DCAF8L2: variants seen among roughly 807,000 people sequenced by gnomAD.
The protein encoded by DCAF8L2 is DDB1- and CUL4-associated factor 8-like protein 2.
For missense variants in DCAF8L2, 430 were observed against 490.7 expected, an observed-to-expected ratio of 0.88 and a Z score of 1.17; for synonymous variants, 200 against 190.9, an observed-to-expected ratio of 1.05 and a Z score of -0.39.
intron 4 of DCAF8L2, among the ~76,000 whole-genome samples, chrX:27,722,998 A>C (rs1931951364): frequency 9.0e-6 from 1 of 110,964 alleles, no homozygotes; most frequent in Non-Finnish European, 1.9e-5. Context: ...ATTAAAAATC[A>C]TTAAAAGGAT....
At chrX:27,559,531 G>C in the DCAF8L2 span, among the ~76,000 whole-genome samples, 3 of 111,896 alleles carry the variant, frequency 2.7e-5, no homozygotes, top group East Asian at 8.4e-4. Context: ...TGTTGCTTCT[G>C]CTGCCATGTT....
At chrX:27,673,575 AC>A (rs1392038191) in intron 2 of DCAF8L2, among the ~76,000 whole-genome samples, 1 of 107,857 alleles carries the variant, frequency 9.3e-6, no homozygotes, top group East Asian at 2.9e-4. Context: ...ATAATTTTTA[AC>A]CTCTACTGAA....
the DCAF8L2 span, among the ~76,000 whole-genome samples, chrX:27,572,020 A>G: frequency 2.7e-5 from 3 of 112,355 alleles, no homozygotes; most frequent in Admixed American, 2.8e-4. Context: ...GACCTATAAT[A>G]TTGTAAGAGA....
At chrX:27,475,471 G>A in the DCAF8L2 span, among the ~76,000 whole-genome samples, 2 of 111,579 alleles carry the variant, frequency 1.8e-5, no homozygotes, top group African/African-American at 6.5e-5. Flanking sequence ...CCCCCATGAA[G>A]GTTAAAGAGC....
chrX:27,668,283 T>C (rs1435190421), intron 2 of DCAF8L2, among the ~76,000 whole-genome samples: 1 of 112,156 alleles, frequency 8.9e-6, no homozygotes, highest in Non-Finnish European at 1.9e-5. Flanking sequence ...GTACTCAGTG[T>C]GGTTTTTCAA....
At chrX:27,641,220 T>C (rs777622564) in intron 2 of DCAF8L2, among the ~76,000 whole-genome samples, 2 of 111,157 alleles carry the variant, frequency 1.8e-5, no homozygotes, top group African/African-American at 6.5e-5. Context: ...TCTGTTAACA[T>C]TTCCTTCTAC....
chrX:27,711,179 G>A (rs1416016100), intron 3 of DCAF8L2, among the ~76,000 whole-genome samples: 1 of 110,544 alleles, frequency 9.0e-6, no homozygotes, highest in African/African-American at 3.3e-5. Flanking sequence ...TCCTTAGTCA[G>A]GTTGTATTAT....
intron 4 of DCAF8L2, among the ~76,000 whole-genome samples, chrX:27,717,511 G>C (rs1239492212): frequency 8.9e-6 from 1 of 112,040 alleles, no homozygotes; most frequent in African/African-American, 3.2e-5. Context: ...TCATATGTTT[G>C]TTGGCTGCAT....
the DCAF8L2 span, among the ~76,000 whole-genome samples, chrX:27,580,344 A>G: frequency 9.0e-6 from 1 of 111,350 alleles, no homozygotes; most frequent in Non-Finnish European, 1.9e-5. Context: ...TTTTTGCCTC[A>G]TTTGGATTGA....
rs991118849 is a variant in DCAF8L2 at position 27,744,186 on chromosome X, G to A, written c.-58-2652G>A. 5.4e-5 allele frequency among the ~76,000 whole-genome samples: 6 copies of A among 111,400 alleles called. No homozygotes were observed. The East Asian group carries it at 8.5e-4, about 16-fold the overall frequency. On this transcript the variant is annotated intron_variant, in intron 4 of 4. Transcript: ENST00000451261. ...AATTACACCACTTTAGACTGTACAC[G>A]CAGCAATTCACAACTTACTCCTGTG...
At chrX:27,598,999 G>A (rs968058018) in intron 1 of DCAF8L2, among the ~76,000 whole-genome samples, 19 of 104,790 alleles carry the variant, frequency 1.8e-4, no homozygotes, top group African/African-American at 6.7e-4. Context: ...ATATGATCCA[G>A]CAATTTCACT....
At chrX:27,614,043 C>T (rs771307847) in intron 1 of DCAF8L2, among the ~76,000 whole-genome samples, 27 of 111,337 alleles carry the variant, frequency 2.4e-4, no homozygotes, top group Non-Finnish European at 4.5e-4. Context: ...GTTCCTCTTT[C>T]TACCTCTGGT....
chrX:27,486,522 A>G, the DCAF8L2 span, among the ~76,000 whole-genome samples: 363 of 112,011 alleles, frequency 3.2e-3, 2 homozygotes, highest in African/African-American at 0.011. Context: ...TTTATATACC[A>G]TAAATTATCC....
the DCAF8L2 span, among the ~76,000 whole-genome samples, chrX:27,581,589 A>AT: frequency 0.072 from 6,807 of 95,060 alleles, 604 homozygotes; most frequent in African/African-American, 0.23. Flanking sequence ...ATTTAATACA[A>AT]TTTTTTTTTT....
At chrX:27,512,797 A>AAAAAAAAC in the DCAF8L2 span, among the ~76,000 whole-genome samples, 1 of 97,213 alleles carries the variant, frequency 1.0e-5, no homozygotes. Flanking sequence ...AAAAAAAAAA[A>AAAAAAAAC]AAAAAAAAAA....
chrX:27,497,496 T>TATTC, the DCAF8L2 span, among the ~76,000 whole-genome samples: 31 of 61,467 alleles, frequency 5.0e-4, no homozygotes, highest in South Asian at 0.025. Context: ...CAAACACCAT[T>TATTC]ATTCTTTCTT....
the DCAF8L2 span, among the ~76,000 whole-genome samples, chrX:27,476,960 A>G: frequency 9.8e-5 from 11 of 112,281 alleles, no homozygotes; most frequent in East Asian, 2.8e-3. Context: ...TCTTTCTTCT[A>G]CTGCATACAG....
At chrX:27,731,350 G>A (rs1921194068) in intron 4 of DCAF8L2, among the ~76,000 whole-genome samples, 1 of 111,216 alleles carries the variant, frequency 9.0e-6, no homozygotes, top group Admixed American at 9.6e-5. Flanking sequence ...GCAGTGAGCC[G>A]AGATTGCACC....
the DCAF8L2 span, among the ~76,000 whole-genome samples, chrX:27,507,824 C>G: frequency 9.0e-6 from 1 of 111,078 alleles, no homozygotes; most frequent in South Asian, 3.7e-4. Context: ...TCTAATTTTC[C>G]TATATAAAAT....
Sources: gnomAD v4.1 joint callset for allele counts (sites outside exome capture counted in the v4.1 genomes callset) on GRCh38, gnomAD v4.1.1 for gene constraint, MANE v1.5 for transcripts, NCBI Gene and HGNC (gene_info 2026-07-23, HGNC 2026-07-21) for gene names.